TIMP2: variants seen among roughly 807,000 people sequenced by gnomAD.
TIMP2 encodes the protein TIMP metallopeptidase inhibitor 2.
Under a neutral mutation model 24.3 loss-of-function variants are expected in TIMP2, and 5 were observed. That is an observed-to-expected ratio of 0.21 (90% CI 0.11 to 0.43). The LOEUF (loss-of-function observed/expected upper bound fraction) is 0.43, where lower values mean the gene tolerates loss of function less well. Ranked by LOEUF, TIMP2 falls within the 20% of genes least tolerant of loss-of-function variation. The pLI is 1.00. For synonymous variants in TIMP2, 130 were observed against 123.2 expected (o/e 1.06, Z -0.37); for missense variants, 221 against 297.5 (o/e 0.74, Z 1.89).
chr17:78,872,738 A>G (rs893252246), intron 2 of TIMP2, among the ~76,000 whole-genome samples: 1 of 152,194 alleles, frequency 6.6e-6, no homozygotes, highest in African/African-American at 2.4e-5. Context: ...AGACTCAGGC[A>G]CTGAGAGACT....
intron 1 of TIMP2, chr17:78,903,346 G>C (rs2070125078): frequency 6.6e-6 from 1 of 152,512 alleles, no homozygotes; most frequent in Non-Finnish European, 1.5e-5. Flanking sequence ...GCAGCCGGGA[G>C]CCATGGGGGC....
rs576762670 is a variant in TIMP2 at position 78,862,461 on chromosome 17, C to T, written c.341-4815G>A. Among the ~76,000 whole-genome samples the T allele has an allele frequency of 1.3e-3, 198 of 152,324 alleles. 1 individual carries two copies. Among genetic ancestry groups the T allele is most frequent in the African/African-American group, 4.6e-3 (193 of 41,574 alleles). On this transcript the variant is annotated intron_variant, in intron 3 of 4. Transcript: ENST00000262768. The stretch of plus-strand genomic sequence containing the variant: ...GCCACTGTGGCCATTAACAGCTTCA[C>T]CCCTGCTCCCCCTCCCAGGGAGAGG...
chr17:78,890,782 T>A (rs1314338187), intron 1 of TIMP2: 2 of 1,550,602 alleles, frequency 1.3e-6, no homozygotes, highest in Non-Finnish European at 1.7e-6. Context: ...TGGTGCCCGA[T>A]GGGGAAGTGG....
chr17:78,923,398 G>T (rs1044681393), intron 1 of TIMP2, among the ~76,000 whole-genome samples: 4 of 59,556 alleles, frequency 6.7e-5, no homozygotes, highest in East Asian at 1.6e-3. Context: ...GGGCGGGGTG[G>T]GGGGGGGGGC....
intron 1 of TIMP2, among the ~76,000 whole-genome samples, chr17:78,884,049 C>T (rs2069803552): frequency 6.6e-6 from 1 of 152,214 alleles, no homozygotes; most frequent in African/African-American, 2.4e-5. Context: ...TGCATTTTCT[C>T]CGTCAAGACC....
intron 1 of TIMP2, among the ~76,000 whole-genome samples, chr17:78,913,895 G>GAAAA (rs34119062): frequency 7.8e-5 from 8 of 102,172 alleles, no homozygotes; most frequent in African/African-American, 2.2e-4. Flanking sequence ...CTGTCTCGGG[G>GAAAA]AAAAAAAAAA....
At position 78,903,533 on chromosome 17, in the gene TIMP2, G is replaced by C. The variant is rs191796009; in HGVS notation, c.130+21426C>G. Among the ~76,000 whole-genome samples the C allele has an allele frequency of 4.2e-3, 638 of 152,262 alleles. 2 individuals are homozygous for C. The highest frequency in any genetic ancestry group is 6.8e-3 in the Non-Finnish European group (465 of 68,016). On this transcript the variant is annotated intron_variant, in intron 1 of 4. Coordinates refer to ENST00000262768, the MANE Select transcript of TIMP2 (RefSeq NM_003255.5). Reference sequence around the variant, plus strand: ...TTAAGGAGGTACACTTCAAGGTCAGGGTTCCTGACAACGCCTGCCATCCCT... The same window carrying C: ...TTAAGGAGGTACACTTCAAGGTCAGCGTTCCTGACAACGCCTGCCATCCCT...
chr17:78,922,914 G>T (rs2070318793), intron 1 of TIMP2, among the ~76,000 whole-genome samples: 1 of 152,176 alleles, frequency 6.6e-6, no homozygotes, highest in Non-Finnish European at 1.5e-5. Context: ...CAACATCAAG[G>T]AGAGAGGCCT....
rs1599149552 is a variant in TIMP2 at position 78,871,511 on chromosome 17, G to C, written c.232-505C>G. On this transcript the variant is annotated intron_variant, in intron 2 of 4. Coordinates refer to ENST00000262768, the MANE Select transcript of TIMP2 (RefSeq NM_003255.5). ...TCTTATAGCAAAGTGATTCTTTGGA[G>C]TCACTCAACTTTTAGTGTGGCAGAT... Among the ~76,000 whole-genome samples the C allele has an allele frequency of 2.6e-5, 4 of 151,104 alleles. No homozygotes were observed. In the South Asian group the frequency reaches 8.4e-4, roughly 32 times the overall value.
chr17:78,864,179 C>T (rs2069589730), intron 3 of TIMP2, among the ~76,000 whole-genome samples: 1 of 152,160 alleles, frequency 6.6e-6, no homozygotes, highest in African/African-American at 2.4e-5. Flanking sequence ...TGCCTGAGCT[C>T]AAGAGATCTT....
chr17:78,907,216 G>T (rs1419838100), intron 1 of TIMP2, among the ~76,000 whole-genome samples: 1 of 151,700 alleles, frequency 6.6e-6, no homozygotes, highest in Non-Finnish European at 1.5e-5. Flanking sequence ...TTAATTTTTT[G>T]TGGAGATGGG....
intron 1 of TIMP2, among the ~76,000 whole-genome samples, chr17:78,879,813 C>T (rs747624439): frequency 4.4e-4 from 67 of 152,252 alleles, no homozygotes; most frequent in Non-Finnish European, 6.9e-4. Context: ...TCAAAGCACA[C>T]GCAACTGCAG....
chr17:78,909,475 C>A (rs535845952), intron 1 of TIMP2, among the ~76,000 whole-genome samples: 3 of 150,700 alleles, frequency 2.0e-5, no homozygotes, highest in Non-Finnish European at 4.4e-5. Flanking sequence ...ACGAATGACC[C>A]CCCCACCCAG....
chr17:78,868,311 C>T lies in TIMP2; in HGVS notation c.340+2587G>A, dbSNP rs184686482. Reference sequence around the variant, plus strand: ...AGTCACCCAGGCTGGAGTACAGTGGCGTGATCTCAGCTTGCTGCAATCTCT... The same window carrying T: ...AGTCACCCAGGCTGGAGTACAGTGGTGTGATCTCAGCTTGCTGCAATCTCT... On this transcript the variant is annotated intron_variant, in intron 3 of 4. Transcript: ENST00000262768. Among the ~76,000 whole-genome samples the T allele has an allele frequency of 3.6e-4, 55 of 152,078 alleles. No homozygotes were observed. In the East Asian group the frequency reaches 9.3e-3, roughly 26 times the overall value.
chr17:78,914,461 T>C (rs2145794163), intron 1 of TIMP2, among the ~76,000 whole-genome samples: 1 of 151,966 alleles, frequency 6.6e-6, no homozygotes, highest in South Asian at 2.1e-4. Context: ...TTTTGTATTT[T>C]TAGTAGAGAT....
intron 1 of TIMP2, chr17:78,901,774 G>T (rs915356594): frequency 1.4e-6 from 1 of 717,314 alleles, no homozygotes; most frequent in Non-Finnish European, 2.6e-6. Flanking sequence ...GGGAAGAGGG[G>T]TGGTACTTAC....
At chr17:78,880,746 T>C (rs966238754) in intron 1 of TIMP2, among the ~76,000 whole-genome samples, 1 of 152,168 alleles carries the variant, frequency 6.6e-6, no homozygotes, top group Non-Finnish European at 1.5e-5. Context: ...TATTCCACAC[T>C]CATTGAATTC....
chr17:78,925,096 C>CG lies in TIMP2; in HGVS notation c.-9dup. Reference sequence around the variant, plus strand: ...GCGGGCCGCGGCGCCCATGGCGGGCCGGGGGGCTGGGCGGGCGGGGGCCGC... The same window carrying CG: ...GCGGGCCGCGGCGCCCATGGCGGGCCGGGGGGGCTGGGCGGGCGGGGGCCGC... On this transcript the variant is annotated 5_prime_UTR_variant, in exon 1 of 5. Coordinates refer to ENST00000262768, the MANE Select transcript of TIMP2 (RefSeq NM_003255.5). 3.7e-5 allele frequency: 1 copy of CG among 26,816 alleles called. No homozygotes were observed. The highest frequency in any genetic ancestry group is 5.8e-5 in the Non-Finnish European group (1 of 17,314). 1.7% of individuals were successfully genotyped at this position (26,816 alleles called of 1,614,324 possible).
intron 1 of TIMP2, among the ~76,000 whole-genome samples, chr17:78,887,504 C>A (rs2069834891): frequency 6.6e-6 from 1 of 152,206 alleles, no homozygotes; most frequent in South Asian, 2.1e-4. Context: ...CCTGCCTCAG[C>A]CTCCCGAATA....
Sources: allele counts gnomAD v4.1 joint callset (sites outside exome capture counted in the v4.1 genomes callset), GRCh38; gene constraint gnomAD v4.1.1; transcripts MANE v1.5; gene names NCBI Gene and HGNC (gene_info 2026-07-23, HGNC 2026-07-21).